Variants in THADA observed in about 807,000 individuals in gnomAD.
The protein encoded by THADA is tRNA (32-2'-O)-methyltransferase regulator THADA.
In THADA, 213 loss-of-function variants were observed where a neutral mutation model predicts 219.8. That is an observed-to-expected ratio of 0.97 (90% confidence interval 0.87 to 1.09). The LOEUF (loss-of-function observed/expected upper bound fraction) is 1.09. THADA is among the 50% of genes least tolerant of loss of function. The pLI, the probability that THADA is intolerant of heterozygous loss-of-function variation, is 0.00. For missense variants in THADA, 2,956 were observed against 2,311.3 expected (o/e 1.28, Z -5.72); for synonymous variants, 1,018 against 828.9 (o/e 1.23, Z -3.92).
At chr2:43,502,296 C>A (rs1484404780) in intron 24 of THADA, among the ~76,000 whole-genome samples, 1 of 151,654 alleles carries the variant, frequency 6.6e-6, no homozygotes, top group Non-Finnish European at 1.5e-5. Flanking sequence ...TATAAAATAT[C>A]TTTCTCAGTC....
intron 28 of THADA, among the ~76,000 whole-genome samples, chr2:43,412,428 A>C (rs1676417876): frequency 6.6e-6 from 1 of 152,202 alleles, no homozygotes; most frequent in Non-Finnish European, 1.5e-5. Flanking sequence ...AAAGAAATTA[A>C]ACAATCTGGA....
chr2:43,375,495 A>G (rs1671273000), intron 29 of THADA, among the ~76,000 whole-genome samples: 1 of 152,220 alleles, frequency 6.6e-6, no homozygotes, highest in Non-Finnish European at 1.5e-5. Flanking sequence ...TCTGATTTAT[A>G]CTTCATCATT....
At chr2:43,481,907 C>T (rs1686278804) in intron 26 of THADA, among the ~76,000 whole-genome samples, 1 of 152,170 alleles carries the variant, frequency 6.6e-6, no homozygotes, top group Non-Finnish European at 1.5e-5. Flanking sequence ...TGACATGTAT[C>T]ATTTAGCTGG....
chr2:43,343,883 G>T, intron 30 of THADA: 1 of 384,646 alleles, frequency 2.6e-6, no homozygotes, highest in Non-Finnish European at 4.9e-6. Context: ...CAAGCTGATT[G>T]GTGGGCAGAC....
intron 20 of THADA, among the ~76,000 whole-genome samples, chr2:43,546,319 T>C (rs1342725684): frequency 6.6e-6 from 1 of 152,076 alleles, no homozygotes; most frequent in African/African-American, 2.4e-5. Flanking sequence ...ATAGGTGTGG[T>C]GTGGTGCTGA....
intron 29 of THADA, among the ~76,000 whole-genome samples, chr2:43,348,210 G>C (rs1667858250): frequency 6.6e-6 from 1 of 152,144 alleles, no homozygotes. Context: ...GGCTATAGCG[G>C]CCCACCTTCC....
rs773604153 is a variant in THADA at position 43,571,772 on chromosome 2, TAAA to T, written c.1996_1998del (p.Phe666del). On this transcript the variant is annotated inframe_deletion, in exon 13 of 38. Coordinates refer to ENST00000405975, the MANE Select transcript of THADA (RefSeq NM_022065.5). ...GACTGGCTGTTAAGATTGTATGTAA[TAAA>T]GAACTGAATCCACTGCATTTCTTCC... 4.6e-5 allele frequency: 75 copies of T among 1,613,782 alleles called. No homozygotes were observed. The highest frequency in any genetic ancestry group is 6.4e-5 in the Non-Finnish European group (75 of 1,179,808).
At chr2:43,473,465 G>T (rs1053226606) in intron 26 of THADA, among the ~76,000 whole-genome samples, 1 of 151,910 alleles carries the variant, frequency 6.6e-6, no homozygotes, top group African/African-American at 2.4e-5. Flanking sequence ...CGAAGGACCC[G>T]CCCGAGCCAG....
intron 20 of THADA, among the ~76,000 whole-genome samples, chr2:43,545,947 T>A (rs1308718426): frequency 2.0e-5 from 3 of 151,928 alleles, no homozygotes; most frequent in Admixed American, 6.5e-5. Flanking sequence ...GCTTTTCTAG[T>A]TCTTTTAATT....
rs1186731982 is a variant in THADA at position 43,485,240 on chromosome 2, G to A, written c.3830C>T (p.Thr1277Ile). 2 of 1,609,760 alleles carry A rather than the reference G, an allele frequency of 1.2e-6. No homozygotes were observed. Among genetic ancestry groups the A allele is most frequent in the Non-Finnish European group, 1.7e-6 (2 of 1,176,824 alleles). ...VKRAKDEHSK[T>I]NRMTGREFFS... Reference sequence around the variant, plus strand: ...AGCCTTAAATGGAGCTTACCTATTTGTTTTGGAATGTTCATCCTTTGCCCT... The same window carrying A: ...AGCCTTAAATGGAGCTTACCTATTTATTTTGGAATGTTCATCCTTTGCCCT... The change falls in exon 26 of 38, where the codon ACA becomes ATA. Residue 1277 changes from threonine (T) to isoleucine (I), a missense_variant. Coordinates refer to ENST00000405975, the MANE Select transcript of THADA (RefSeq NM_022065.5).
intron 25 of THADA, among the ~76,000 whole-genome samples, chr2:43,493,434 G>A (rs1368013818): frequency 3.3e-5 from 5 of 152,178 alleles, no homozygotes; most frequent in Non-Finnish European, 7.4e-5. Flanking sequence ...GGCAGAGGTT[G>A]CAGTGAGATG....
intron 28 of THADA, among the ~76,000 whole-genome samples, chr2:43,402,886 T>C (rs1262327088): frequency 1.3e-5 from 2 of 152,192 alleles, no homozygotes; most frequent in African/African-American, 4.8e-5. Context: ...AGAGAGCGCT[T>C]GGGTTTGGCA....
rs2105037738 is a variant in THADA, at chr2:43,492,303, ACT to A, written c.3744+6528_3744+6529del. ...ACTCAAGCCTGGGCAACACAGTGAGACTCTGTCTCAAAAAAAAAAAAAAAATA... is the reference window on the plus strand; with the variant it reads ...ACTCAAGCCTGGGCAACACAGTGAGACTGTCTCAAAAAAAAAAAAAAAATA... On this transcript the variant is annotated intron_variant, in intron 25 of 37. Coordinates refer to ENST00000405975, the MANE Select transcript of THADA (RefSeq NM_022065.5). 2.7e-5 allele frequency: 4 copies of A among 147,940 alleles called. No individual in the cohort carries two copies. The South Asian group carries it at 8.7e-4, about 32-fold the overall frequency. 9.2% of individuals were successfully genotyped at this position (147,940 alleles called of 1,614,324 possible).
intron 26 of THADA, among the ~76,000 whole-genome samples, chr2:43,479,771 C>G (rs922135138): frequency 6.6e-6 from 1 of 152,164 alleles, no homozygotes; most frequent in Admixed American, 6.5e-5. Flanking sequence ...TTGCTCCTCT[C>G]CTCCCTCACC....
intron 28 of THADA, among the ~76,000 whole-genome samples, chr2:43,413,445 T>A (rs192849433): frequency 6.6e-6 from 1 of 152,272 alleles, no homozygotes; most frequent in African/African-American, 2.4e-5. Context: ...TAAGGTGAGA[T>A]ACAAATTTAA....
At chr2:43,555,814 G>C (rs1051575992) in intron 17 of THADA, among the ~76,000 whole-genome samples, 1 of 151,624 alleles carries the variant, frequency 6.6e-6, no homozygotes, top group African/African-American at 2.4e-5. Flanking sequence ...CTTATTTCTA[G>C]TACAATTCTA....
intron 25 of THADA, among the ~76,000 whole-genome samples, chr2:43,494,621 A>G (rs1196887071): frequency 6.6e-6 from 1 of 152,198 alleles, no homozygotes. Context: ...TACCTGGATA[A>G]CAGAAGCTAC....
At chr2:43,421,274 T>G (rs940086833) in intron 28 of THADA, among the ~76,000 whole-genome samples, 1 of 152,162 alleles carries the variant, frequency 6.6e-6, no homozygotes. Flanking sequence ...AATTATGGGA[T>G]AGCAGAACCC....
chr2:43,540,377 A>T (rs1483770550), intron 21 of THADA, among the ~76,000 whole-genome samples: 1 of 152,242 alleles, frequency 6.6e-6, no homozygotes, highest in Admixed American at 6.5e-5. Context: ...CATTATTTCC[A>T]TGGAACTAGT....
Sources: allele counts gnomAD v4.1 joint callset (sites outside exome capture counted in the v4.1 genomes callset), GRCh38; gene constraint gnomAD v4.1.1; transcripts MANE v1.5; gene names NCBI Gene and HGNC (gene_info 2026-07-23, HGNC 2026-07-21).